PCED1B: variants seen among roughly 807,000 people sequenced by gnomAD.
PCED1B encodes PC-esterase domain-containing protein 1B.
For missense variants in PCED1B, 573 were observed against 573.9 expected, an observed-to-expected ratio of 1.00 and a Z score of 0.02; for synonymous variants, 251 against 246.1, an observed-to-expected ratio of 1.02 and a Z score of -0.19.
chr12:47,224,852 G>A (rs534760948), intron 3 of PCED1B, among the ~76,000 whole-genome samples: 2 of 152,300 alleles, frequency 1.3e-5, no homozygotes, highest in Non-Finnish European at 1.5e-5. Context: ...CGAGACCTAC[G>A]TAGGAAGTGA....
intron 2 of PCED1B, among the ~76,000 whole-genome samples, chr12:47,201,650 A>ATTT (rs1487899050): frequency 6.6e-6 from 1 of 151,678 alleles, no homozygotes; most frequent in African/African-American, 2.4e-5. Flanking sequence ...TCAGGCTGGA[A>ATTT]TGCAATGGTG....
chr12:47,192,168 T>A (rs1051826586), intron 2 of PCED1B, among the ~76,000 whole-genome samples: 1 of 151,080 alleles, frequency 6.6e-6, no homozygotes, highest in African/African-American at 2.4e-5. Flanking sequence ...ACGCTTTTTT[T>A]TTTTGTTTTT....
chr12:47,178,531 GCTCTTGCCT>G, intron 2 of PCED1B, among the ~76,000 whole-genome samples: 1 of 152,186 alleles, frequency 6.6e-6, no homozygotes, highest in Non-Finnish European at 1.5e-5. Context: ...AGCCTATGTA[GCTCTTGCCT>G]CCATCTCAAA....
At chr12:47,217,139 A>G (rs1186592361) in intron 3 of PCED1B, among the ~76,000 whole-genome samples, 2 of 152,168 alleles carry the variant, frequency 1.3e-5, no homozygotes, top group East Asian at 3.9e-4. Flanking sequence ...GCGGTGGCCC[A>G]CACCCGTAAT....
At chr12:47,171,861 C>T (rs1941748841) in intron 2 of PCED1B, among the ~76,000 whole-genome samples, 1 of 149,770 alleles carries the variant, frequency 6.7e-6, no homozygotes, top group Non-Finnish European at 1.5e-5. Flanking sequence ...TCTTCTTCTT[C>T]TTCTCCTTCT....
chr12:47,181,912 C>G (rs1393316168), intron 2 of PCED1B, among the ~76,000 whole-genome samples: 1 of 152,158 alleles, frequency 6.6e-6, no homozygotes, highest in Non-Finnish European at 1.5e-5. Flanking sequence ...CAGAACTAAA[C>G]CCAACAAGAT....
At chr12:47,203,294 T>A (rs1336160325) in intron 2 of PCED1B, among the ~76,000 whole-genome samples, 3 of 152,162 alleles carry the variant, frequency 2.0e-5, no homozygotes, top group Non-Finnish European at 4.4e-5. Flanking sequence ...TTTAATTTTT[T>A]AAAATTTTTT....
intron 2 of PCED1B, among the ~76,000 whole-genome samples, chr12:47,198,978 G>C (rs1272965547): frequency 1.4e-5 from 2 of 140,196 alleles, no homozygotes; most frequent in East Asian, 4.0e-4. Flanking sequence ...AAAAAAAAAA[G>C]AAAAAGAAAA....
At chr12:47,202,580 C>T (rs1372610853) in intron 2 of PCED1B, among the ~76,000 whole-genome samples, 3 of 122,808 alleles carry the variant, frequency 2.4e-5, no homozygotes, top group Non-Finnish European at 3.2e-5. Context: ...GACTCCTTCA[C>T]GTCTAGACAT....
chr12:47,194,686 C>G (rs1028707164), intron 2 of PCED1B, among the ~76,000 whole-genome samples: 3 of 152,172 alleles, frequency 2.0e-5, no homozygotes, highest in Non-Finnish European at 4.4e-5. Context: ...AGTTAATATC[C>G]TCAGATGACC....
In PCED1B at chr12:47,139,779, T is replaced by C. The variant is rs1408826875; in HGVS notation, c.-526+35584T>C. On this transcript the variant is annotated intron_variant, in intron 2 of 3. Transcript: ENST00000546455. Reference sequence around the variant, plus strand: ...GTTTGATGTGAGAGATATGTGTGCATATGCTATGGTGTGTGTGCTATGATG... The same window carrying C: ...GTTTGATGTGAGAGATATGTGTGCACATGCTATGGTGTGTGTGCTATGATG... Among the ~76,000 whole-genome samples, 7 of 152,156 alleles carry C rather than the reference T, an allele frequency of 4.6e-5. No individual in the cohort carries two copies. In the South Asian group the frequency reaches 1.4e-3, roughly 31 times the overall value.
chr12:47,228,134 A>C (rs1350316267), intron 3 of PCED1B, among the ~76,000 whole-genome samples: 1 of 151,082 alleles, frequency 6.6e-6, no homozygotes, highest in Non-Finnish European at 1.5e-5. Context: ...TTCTGGACTC[A>C]AGCAATTCTC....
chr12:47,155,087 G>A (rs578165714), intron 2 of PCED1B, among the ~76,000 whole-genome samples: 2 of 152,254 alleles, frequency 1.3e-5, no homozygotes, highest in South Asian at 2.1e-4. Flanking sequence ...AGGAACAGAT[G>A]TGTTGCCAGG....
chr12:47,220,084 AAAAAAAGAAGAAG>A (rs1354229423), intron 3 of PCED1B, among the ~76,000 whole-genome samples: 3 of 143,648 alleles, frequency 2.1e-5, no homozygotes, highest in African/African-American at 7.5e-5. Flanking sequence ...AAAAAAAAAA[AAAAAAAGAAGAAG>A]AAGAAGAAGA....
chr12:47,211,948 G>T (rs1157736145), intron 2 of PCED1B, among the ~76,000 whole-genome samples: 11 of 151,052 alleles, frequency 7.3e-5, no homozygotes, highest in South Asian at 6.3e-4. Context: ...AGTGGCGGGC[G>T]CCTGTAGTCC....
rs150390837 is a variant in PCED1B, at chr12:47,227,054, T to A, written c.-57-7953T>A. Among the ~76,000 whole-genome samples the A allele has an allele frequency of 3.0e-3, 454 of 152,360 alleles. 1 individual carries two copies. Among genetic ancestry groups the A allele is most frequent in the African/African-American group, 0.01 (435 of 41,592 alleles). ...AGGATTCTTTCCCAAAATGATAGTC[T>A]TGAGGGTGTCAGATTTCATTAATCC... On this transcript the variant is annotated intron_variant, in intron 3 of 3. Coordinates refer to ENST00000546455, the MANE Select transcript of PCED1B (RefSeq NM_138371.3).
intron 2 of PCED1B, among the ~76,000 whole-genome samples, chr12:47,124,731 G>T (rs1347928014): frequency 6.6e-6 from 1 of 151,828 alleles, no homozygotes; most frequent in South Asian, 2.1e-4. Context: ...ATAGAGTGTG[G>T]TAATATCATA....
chr12:47,171,804 CTTCTTT>C (rs954222174), intron 2 of PCED1B, among the ~76,000 whole-genome samples: 12 of 151,952 alleles, frequency 7.9e-5, no homozygotes, highest in African/African-American at 2.9e-4. Flanking sequence ...TCTTCTTCTT[CTTCTTT>C]TTTTCTTCCT....
intron 1 of PCED1B, among the ~76,000 whole-genome samples, chr12:47,101,749 C>A (rs1057338565): frequency 1.3e-5 from 2 of 152,034 alleles, no homozygotes; most frequent in African/African-American, 4.8e-5. Context: ...GAGCTCGAGG[C>A]CAGCCTGATT....
Sources: gnomAD v4.1 joint callset for allele counts (sites outside exome capture counted in the v4.1 genomes callset) on GRCh38, gnomAD v4.1.1 for gene constraint, MANE v1.5 for transcripts, NCBI Gene and HGNC (gene_info 2026-07-23, HGNC 2026-07-21) for gene names.